BECN1: variants seen among roughly 807,000 people sequenced by gnomAD.
The protein encoded by BECN1 is beclin 1.
Under a neutral mutation model 60.1 loss-of-function variants are expected in BECN1, and 15 were observed. That is an observed-to-expected ratio of 0.25 (90% CI 0.17 to 0.38). The LOEUF (loss-of-function observed/expected upper bound fraction) is 0.38. Ranked by LOEUF, BECN1 falls within the 10% of genes least tolerant of loss-of-function variation. BECN1 has a pLI of 1.00. For synonymous variants in BECN1, 179 were observed against 201.8 expected, an observed-to-expected ratio of 0.89 and a Z score of 0.96; for missense variants, 424 against 548.2, an observed-to-expected ratio of 0.77 and a Z score of 2.26.
At position 42,820,837 on chromosome 17, in the gene BECN1, T is replaced by G; in HGVS notation, c.135A>C (p.Pro45=). The G allele has an allele frequency of 6.3e-7, 1 of 1,597,050 alleles. No homozygotes were observed. The highest frequency in any genetic ancestry group is 1.3e-5 in the African/African-American group (1 of 74,884). The change falls in exon 3 of 12, where the codon CCA becomes CCC. Residue 45 remains proline (P), a synonymous_variant. Transcript: ENST00000590099. The part of the protein sequence containing the change: ...DRVTIQELTA[P]LLTTAQAKPG... Reference sequence around the variant, plus strand: ...GTTTCGCCTGGGCTGTGGTAAGTAATGGAGCTAAGGGCAAGGAAAATATTG... The same window carrying G: ...GTTTCGCCTGGGCTGTGGTAAGTAAGGGAGCTAAGGGCAAGGAAAATATTG...
Position 42,810,417 on chromosome 17 carries a change from T to C in BECN1, c.*343A>G, listed in dbSNP as rs989702776. 8 of 166,282 alleles carry C rather than the reference T, an allele frequency of 4.8e-5. No homozygotes were observed. Among genetic ancestry groups the C allele is most frequent in the African/African-American group, 1.9e-4 (8 of 41,876 alleles). The allele number at this position is 166,282 out of a possible 1,614,324, so 10.3% of individuals were successfully genotyped here. ...ATTTCATATTGTTAAGTGCAGGAAGTTGAGAGAGATAAAAATCCAGTGAAA... is the reference window on the plus strand; with the variant it reads ...ATTTCATATTGTTAAGTGCAGGAAGCTGAGAGAGATAAAAATCCAGTGAAA... On this transcript the variant is annotated 3_prime_UTR_variant, in exon 12 of 12. Coordinates refer to ENST00000590099, the MANE Select transcript of BECN1 (RefSeq NM_001313998.2).
At position 42,823,819 on chromosome 17, in the gene BECN1, C is replaced by T; in HGVS notation, c.59G>A (p.Arg20His). The T allele has an allele frequency of 3.7e-6, 6 of 1,614,094 alleles. No homozygotes were observed. Among genetic ancestry groups the T allele is most frequent in the Non-Finnish European group, 5.1e-6 (6 of 1,180,000 alleles). Residue 20 changes from arginine (R) to histidine (H), a missense_variant, in exon 2 of 12, where the codon CGC (arginine) becomes CAC (histidine). By Grantham distance (29) the Arg-to-His change is conservative. This residue lies in a region of BECN1 where 96 missense variants were observed against 125.6 expected (regional missense o/e 0.76). Coordinates refer to ENST00000590099, the MANE Select transcript of BECN1 (RefSeq NM_001313998.2). ...STMQVSFVCQ[R>H]CSQPLKLDTS... The stretch of plus-strand genomic sequence containing the variant: ...GTCCAGTTTCAGGGGCTGGCTGCAG[C>T]GCTGGCACACGAAGCTCACCTGCAT...
At chr17:42,822,323 T>C (rs924007905) in intron 2 of BECN1, among the ~76,000 whole-genome samples, 3 of 152,226 alleles carry the variant, frequency 2.0e-5, no homozygotes, top group African/African-American at 7.2e-5. Flanking sequence ...CTGTGGTTTG[T>C]CATATTTGAA....
Position 42,810,676 on chromosome 17 carries a change from A to ACATGTTTGTTT in BECN1, c.*83_*84insAAACAAACATG. On this transcript the variant is annotated 3_prime_UTR_variant, in exon 12 of 12. Transcript: ENST00000590099. ...GTATTGTAAACATGTACTGTTTAAT[A>ACATGTTTGTTT]TTACCCGAATTTAATTTAAAACATG... is the stretch of plus-strand genomic sequence containing the variant. The ACATGTTTGTTT allele has an allele frequency of 7.0e-7, 1 of 1,426,314 alleles. No homozygotes were observed. Among genetic ancestry groups the ACATGTTTGTTT allele is most frequent in the East Asian group, 2.3e-5 (1 of 43,086 alleles). The allele number at this position is 1,426,314 out of a possible 1,614,324, so 88.4% of individuals were successfully genotyped here.
chr17:42,818,199 A>T (rs891859480), intron 7 of BECN1, 22 bp downstream of exon 7: 22 of 1,611,032 alleles, frequency 1.4e-5, no homozygotes, highest in Non-Finnish European at 1.7e-5. Flanking sequence ...GTGTGAGAAG[A>T]TAGAACAGGG....
At chr17:42,814,188 A>C in intron 9 of BECN1, 180 bp from the exon 10 acceptor site, 1 of 552,226 alleles carries the variant, frequency 1.8e-6, no homozygotes, top group Non-Finnish European at 3.2e-6. Flanking sequence ...TGAACAAACT[A>C]CATTTATTAT....
At chr17:42,815,753 C>T (rs1488095612) in intron 8 of BECN1, 155 bp downstream of exon 8, 1 of 955,222 alleles carries the variant, frequency 1.0e-6, no homozygotes, top group African/African-American at 1.6e-5. Flanking sequence ...ATTCCAATCC[C>T]TACTGTGCCT....
chr17:42,814,609 C>T lies in BECN1; in HGVS notation c.895G>A (p.Glu299Lys). 2 of 1,614,182 alleles carry T rather than the reference C, an allele frequency of 1.2e-6. No individual in the cohort carries two copies. The highest frequency in any genetic ancestry group is 1.7e-6 in the Non-Finnish European group (2 of 1,180,038). Residue 299 changes from glutamate (E) to lysine (K), a missense_variant, in exon 9 of 12, where the codon GAA becomes AAA. Coordinates refer to ENST00000590099, the MANE Select transcript of BECN1 (RefSeq NM_001313998.2). The stretch of plus-strand genomic sequence containing the variant: ...CAAGCAGCATTAATCTCATTCCATT[C>T]CACGGGAACACTGGGCAGGCGACCC... ...RLGRLPSVPV[E>K]WNEINAAWGQ... is the part of the protein sequence containing the mutation.
rs772300312 is a variant in BECN1 at position 42,818,385 on chromosome 17, A to G, written c.519T>C (p.Asn173=). 1.9e-6 allele frequency: 3 copies of G among 1,614,068 alleles called. No individual in the cohort carries two copies. The highest frequency in any genetic ancestry group is 1.3e-5 in the African/African-American group (1 of 74,982). ...TCTGTAACTGTTCACTGTCATCCTCATTCATTTGCTCTAAGATCTCCAAAC... is the reference window on the plus strand; with the variant it reads ...TCTGTAACTGTTCACTGTCATCCTCGTTCATTTGCTCTAAGATCTCCAAAC... The part of the protein sequence containing the change: ...KRCLEILEQM[N]EDDSEQLQME... Residue 173 remains asparagine (N), a synonymous_variant, in exon 7 of 12, where the codon AAT becomes AAC. Coordinates refer to ENST00000590099, the MANE Select transcript of BECN1 (RefSeq NM_001313998.2).
At position 42,824,164 on chromosome 17, in the gene BECN1, C is replaced by T. The variant is rs1597945891; in HGVS notation, c.-12G>A. ...CCCCGATGCTCTTCACCTCGGGAGCCCGGAGCCCGTCACCCAAGTCCGGTC... is the reference window on the plus strand; with the variant it reads ...CCCCGATGCTCTTCACCTCGGGAGCTCGGAGCCCGTCACCCAAGTCCGGTC... On this transcript the variant is annotated 5_prime_UTR_variant, in exon 1 of 12. Coordinates refer to ENST00000590099, the MANE Select transcript of BECN1 (RefSeq NM_001313998.2). 2.3e-6 allele frequency: 1 copy of T among 434,426 alleles called. No individual in the cohort carries two copies. The highest frequency in any genetic ancestry group is 2.0e-5 in the African/African-American group (1 of 49,490). The allele number at this position is 434,426 out of a possible 1,614,324, so 26.9% of individuals were successfully genotyped here. A position where few individuals can be genotyped will look rare whatever the true frequency, so the allele number is the denominator to read the frequency against.
rs529702143 is a variant in BECN1 at position 42,820,133 on chromosome 17, G to GC, written c.199-525dup. ...CTGGACTCTTCACTGCCTGCAGGGGGCGCTGGCCAGAATTAATGACCTCCA... is the reference window on the plus strand; with the variant it reads ...CTGGACTCTTCACTGCCTGCAGGGGGCCGCTGGCCAGAATTAATGACCTCCA... On this transcript the variant is annotated intron_variant, in intron 3 of 11. Transcript: ENST00000590099. Among the ~76,000 whole-genome samples, 1,222 of 152,300 alleles carry GC rather than the reference G, an allele frequency of 8.0e-3. 10 individuals carry two copies. The highest frequency in any genetic ancestry group is 0.012 in the Non-Finnish European group (787 of 68,022).
chr17:42,814,355 A>G, intron 9 of BECN1, 169 bp downstream of exon 9: 1 of 833,984 alleles, frequency 1.2e-6, no homozygotes, highest in Non-Finnish European at 1.8e-6. Flanking sequence ...TGATCAGTGG[A>G]GAGAGCCCTG....
intron 9 of BECN1, 76 bp from the exon 10 acceptor site, chr17:42,814,084 T>C: frequency 9.5e-7 from 1 of 1,049,716 alleles, no homozygotes; most frequent in Non-Finnish European, 1.4e-6. Context: ...AACCCAATGA[T>C]TTCACTCTTC....
chr17:42,814,608 T>A lies in BECN1; in HGVS notation c.896A>T (p.Glu299Val). The change falls in exon 9 of 12, where the codon GAA becomes GTA. Residue 299 changes from glutamate (E) to valine (V), a missense_variant. Transcript: ENST00000590099. The stretch of plus-strand genomic sequence containing the variant: ...CCAAGCAGCATTAATCTCATTCCAT[T>A]CCACGGGAACACTGGGCAGGCGACC... ...RLGRLPSVPV[E>V]WNEINAAWGQ... 1.2e-6 allele frequency: 2 copies of A among 1,614,178 alleles called. No individual in the cohort carries two copies. The highest frequency in any genetic ancestry group is 8.5e-7 in the Non-Finnish European group (1 of 1,180,038).
In BECN1 at chr17:42,818,594, G is replaced by A. The variant is rs2055194370; in HGVS notation, c.438C>T (p.Asp146=). Residue 146 remains aspartate (D), a synonymous_variant, in exon 6 of 12, where the codon GAC becomes GAT. Coordinates refer to ENST00000590099, the MANE Select transcript of BECN1 (RefSeq NM_001313998.2). Reference sequence around the variant, plus strand: ...TGACGTTGAGCTGAGTGTCCAGCTGGTCTAAAAGAGTATCTGTGCATTCCT... The same window carrying A: ...TGACGTTGAGCTGAGTGTCCAGCTGATCTAAAAGAGTATCTGTGCATTCCT... ...LCEECTDTLL[D]QLDTQLNVTE... is the part of the protein sequence containing the mutation. 3 of 1,614,180 alleles carry A rather than the reference G, an allele frequency of 1.9e-6. No homozygotes were observed. Among genetic ancestry groups the A allele is most frequent in the Non-Finnish European group, 2.5e-6 (3 of 1,180,044 alleles).
At chr17:42,811,906 G>T in intron 10 of BECN1, 109 bp from the exon 11 acceptor site, 2 of 1,363,450 alleles carry the variant, frequency 1.5e-6, no homozygotes, top group Non-Finnish European at 1.0e-6. Context: ...TATCCCACTG[G>T]AAACTTGTAT....
intron 1 of BECN1, 27 bp from the exon 2 acceptor site, chr17:42,823,906 T>C: frequency 6.2e-7 from 1 of 1,605,984 alleles, no homozygotes; most frequent in Non-Finnish European, 8.5e-7. Context: ...GAGGCAACAT[T>C]AGGGAGAAGC....
intron 7 of BECN1, 66 bp downstream of exon 7, chr17:42,818,155 C>G: frequency 6.5e-7 from 1 of 1,536,964 alleles, no homozygotes; most frequent in Non-Finnish European, 8.9e-7. Context: ...CAGACACATT[C>G]AGCTGGAAGC....
rs2055320975 is a variant in BECN1 at position 42,823,645 on chromosome 17, C to T, written c.130+103G>A. On this transcript the variant is annotated intron_variant, in intron 2 of 11. Coordinates refer to ENST00000590099, the MANE Select transcript of BECN1 (RefSeq NM_001313998.2). ...ATGAAGTGACTTTCCTAGGTTCACA[C>T]GATGAGTTTGTGGCAGACTACACAG... 8 of 1,451,324 alleles carry T rather than the reference C, an allele frequency of 5.5e-6. No homozygotes were observed. In the South Asian group the frequency reaches 8.1e-5, roughly 15 times the overall value. The allele number at this position is 1,451,324 out of a possible 1,614,324, so 89.9% of individuals were successfully genotyped here.
Sources: gnomAD v4.1 joint callset for allele counts (sites outside exome capture counted in the v4.1 genomes callset) on GRCh38, gnomAD v4.1.1 for gene constraint, gnomAD v4.1.1 regional missense constraint, MANE v1.5 for transcripts, NCBI Gene and HGNC (gene_info 2026-07-23, HGNC 2026-07-21) for gene names.